The following HCN1 variants were observed in gnomAD, a reference collection of about 807,000 sequenced individuals.
HCN1 encodes hyperpolarization activated cyclic nucleotide gated potassium channel 1, also known as potassium/sodium hyperpolarization-activated cyclic nucleotide-gated channel 1.
Under a neutral mutation model 78.9 loss-of-function variants are expected in HCN1, and 13 were observed. The observed-to-expected ratio is 0.16, with a 90% CI of 0.11 to 0.26. The LOEUF is 0.26. HCN1 is among the 10% of genes least tolerant of loss of function. The pLI is 1.00. For missense variants in HCN1, 810 were observed against 1,154.3 expected, an observed-to-expected ratio of 0.70 and a Z score of 4.32; for synonymous variants, 552 against 455.5, an observed-to-expected ratio of 1.21 and a Z score of -2.70.
At chr5:45,384,688 G>A (rs1482971807) in intron 4 of HCN1, among the ~76,000 whole-genome samples, 1 of 152,150 alleles carries the variant, frequency 6.6e-6, no homozygotes, top group Non-Finnish European at 1.5e-5. Context: ...TTCCTTGGAT[G>A]TTATGGACTA....
intron 6 of HCN1, among the ~76,000 whole-genome samples, chr5:45,269,747 C>T (rs768567288): frequency 6.6e-5 from 10 of 152,060 alleles, no homozygotes; most frequent in Non-Finnish European, 1.3e-4. Flanking sequence ...CAGACTATTC[C>T]GCAACATGGA....
intron 4 of HCN1, among the ~76,000 whole-genome samples, chr5:45,393,349 TAGTC>T (rs939942841): frequency 2.6e-5 from 4 of 152,106 alleles, no homozygotes; most frequent in African/African-American, 4.8e-5. Context: ...CTAGAAATAA[TAGTC>T]AGCTTCCCAG....
chr5:45,315,466 A>C (rs1745965633), intron 5 of HCN1, among the ~76,000 whole-genome samples: 1 of 152,222 alleles, frequency 6.6e-6, no homozygotes, highest in Non-Finnish European at 1.5e-5. Context: ...AAAGCAGGAA[A>C]GTTCTAAAAT....
At chr5:45,610,517 C>T (rs1000459923) in intron 2 of HCN1, among the ~76,000 whole-genome samples, 2 of 149,198 alleles carry the variant, frequency 1.3e-5, no homozygotes, top group Admixed American at 6.7e-5. Flanking sequence ...TATAGAATAT[C>T]ATATATAATC....
Position 45,299,649 on chromosome 5 carries a change from G to A in HCN1, c.1618+3950C>T, listed in dbSNP as rs1403218606. ...CTGAATGATTACTCCTAAAGAAATAGAAAACCTGAGTATTTTAATAACCAC... is the reference window on the plus strand; with the variant it reads ...CTGAATGATTACTCCTAAAGAAATAAAAAACCTGAGTATTTTAATAACCAC... On this transcript the variant is annotated intron_variant, in intron 6 of 7. Transcript: ENST00000303230. 2.6e-5 allele frequency among the ~76,000 whole-genome samples: 4 copies of A among 151,856 alleles called. No individual in the cohort carries two copies. In the East Asian group the frequency reaches 7.8e-4, roughly 29 times the overall value.
At chr5:45,616,094 AT>A (rs570677328) in intron 2 of HCN1, among the ~76,000 whole-genome samples, 1 of 150,996 alleles carries the variant, frequency 6.6e-6, no homozygotes, top group East Asian at 1.9e-4. Context: ...AAAAGATGGC[AT>A]TTTTTTTCCT....
At chr5:45,597,009 C>G (rs139280943) in intron 2 of HCN1, among the ~76,000 whole-genome samples, 4 of 152,240 alleles carry the variant, frequency 2.6e-5, no homozygotes, top group Non-Finnish European at 4.4e-5. Context: ...TGCTACCATT[C>G]CTTCTGAAAC....
At chr5:45,526,130 T>A (rs915071905) in intron 2 of HCN1, among the ~76,000 whole-genome samples, 9 of 152,048 alleles carry the variant, frequency 5.9e-5, no homozygotes, top group Non-Finnish European at 1.2e-4. Context: ...AGCCACCCAC[T>A]GTGTGGTAAT....
intron 5 of HCN1, among the ~76,000 whole-genome samples, chr5:45,313,978 C>A (rs1196890487): frequency 6.6e-6 from 1 of 152,122 alleles, no homozygotes; most frequent in Non-Finnish European, 1.5e-5. Context: ...CCCAACCTAG[C>A]AAGGCAGGCC....
Position 45,320,375 on chromosome 5 carries a change from T to C in HCN1, c.1378-16536A>G, listed in dbSNP as rs558010230. ...AGCAGTTGGTATGTTTAGGGAGTTT[T>C]TTTGAGGTAAAGATAATTCTAAGAA... On this transcript the variant is annotated intron_variant, in intron 5 of 7. Coordinates refer to ENST00000303230, the MANE Select transcript of HCN1 (RefSeq NM_021072.4). Among the ~76,000 whole-genome samples, 5 of 151,996 alleles carry C rather than the reference T, an allele frequency of 3.3e-5. No homozygotes were observed. In the South Asian group the frequency reaches 8.3e-4, roughly 25 times the overall value.
chr5:45,447,386 G>C (rs762109516), intron 3 of HCN1, among the ~76,000 whole-genome samples: 24 of 152,104 alleles, frequency 1.6e-4, no homozygotes, highest in Non-Finnish European at 3.2e-4. Context: ...GAGACTACAG[G>C]CATGTGCCAC....
intron 4 of HCN1, among the ~76,000 whole-genome samples, chr5:45,391,445 A>C (rs1401266944): frequency 6.6e-6 from 1 of 152,150 alleles, no homozygotes; most frequent in East Asian, 1.9e-4. Flanking sequence ...ACAGGATGTA[A>C]CTTTTTTCTT....
chr5:45,327,818 A>G (rs1746266218), intron 5 of HCN1, among the ~76,000 whole-genome samples: 1 of 151,640 alleles, frequency 6.6e-6, no homozygotes, highest in Non-Finnish European at 1.5e-5. Flanking sequence ...GCACAGAGAA[A>G]AGGAAGCCCT....
intron 1 of HCN1, among the ~76,000 whole-genome samples, chr5:45,657,538 C>T (rs1023745673): frequency 1.3e-5 from 2 of 152,132 alleles, no homozygotes; most frequent in Non-Finnish European, 2.9e-5. Flanking sequence ...TATAAATTTA[C>T]TAAGTTCTGC....
chr5:45,309,627 G>A (rs1259884917), intron 5 of HCN1, among the ~76,000 whole-genome samples: 1 of 152,108 alleles, frequency 6.6e-6, no homozygotes, highest in Non-Finnish European at 1.5e-5. Flanking sequence ...AGATAATCAT[G>A]AGGTTTTGTC....
intron 5 of HCN1, among the ~76,000 whole-genome samples, chr5:45,317,423 C>G (rs1466056550): frequency 1.3e-5 from 2 of 151,132 alleles, no homozygotes; most frequent in African/African-American, 4.8e-5. Context: ...ATAAGATAGA[C>G]TAAAGACTTA....
chr5:45,695,960 C>G lies in HCN1; in HGVS notation c.134G>C (p.Gly45Ala), dbSNP rs1740003977. 1 of 1,330,718 alleles carries G rather than the reference C, an allele frequency of 7.5e-7. No individual in the cohort carries two copies. Among genetic ancestry groups the G allele is most frequent in the South Asian group, 2.0e-5 (1 of 50,244 alleles). The allele number at this position is 1,330,718 out of a possible 1,614,324, so 82.4% of individuals were successfully genotyped here. Reference protein sequence around the residue: ...AEKRLGTPPGGGGAGAKEHGN... With the variant: ...AEKRLGTPPGAGGAGAKEHGN... ...GTGCTCCTTCGCGCCGGCCCCGCCGCCCCCCGGCGGGGTGCCCAGGCGCTT... is the reference window on the plus strand; with the variant it reads ...GTGCTCCTTCGCGCCGGCCCCGCCGGCCCCCGGCGGGGTGCCCAGGCGCTT... Residue 45 changes from glycine to alanine, a missense_variant, in exon 1 of 8, where the codon GGC (glycine) becomes GCC (alanine). Around this residue, in one of 6 missense-constraint regions of HCN1, gnomAD observed 170 missense variants for 166.8 expected, o/e 1.02. Transcript: ENST00000303230.
At chr5:45,449,474 C>T (rs1406053747) in intron 3 of HCN1, among the ~76,000 whole-genome samples, 4 of 152,166 alleles carry the variant, frequency 2.6e-5, no homozygotes, top group African/African-American at 9.7e-5. Context: ...GCCAAGAGCT[C>T]ATCAGTCGTC....
intron 2 of HCN1, among the ~76,000 whole-genome samples, chr5:45,598,098 G>T (rs919556275): frequency 6.6e-6 from 1 of 152,116 alleles, no homozygotes; most frequent in African/African-American, 2.4e-5. Context: ...AAAAGAGCCT[G>T]CATTGCCAAG....
Sources: gnomAD v4.1 joint callset for allele counts (sites outside exome capture counted in the v4.1 genomes callset) on GRCh38, gnomAD v4.1.1 for gene constraint, gnomAD v4.1.1 regional missense constraint, MANE v1.5 for transcripts, NCBI Gene and HGNC (gene_info 2026-07-23, HGNC 2026-07-21) for gene names.